GRID2: variants seen among roughly 807,000 people sequenced by gnomAD.
GRID2 encodes the protein glutamate receptor ionotropic, delta-2.
Under a neutral mutation model 114.8 loss-of-function variants are expected in GRID2, and 33 were observed. That is an observed-to-expected ratio of 0.29 (90% CI 0.22 to 0.38). The LOEUF is 0.38. Among genes scored for constraint, GRID2 ranks in the 10% least tolerant of loss-of-function variants. The probability of loss-of-function intolerance (pLI) is 1.00; values close to 1 mark genes in which losing one functional copy is unlikely to be tolerated. For missense variants in GRID2, 1,184 were observed against 1,257.7 expected, an observed-to-expected ratio of 0.94 and a Z score of 0.89; for synonymous variants, 505 against 449.9, an observed-to-expected ratio of 1.12 and a Z score of -1.55.
At chr4:93,074,493 AC>A (rs1729086488) in intron 2 of GRID2, among the ~76,000 whole-genome samples, 1 of 152,306 alleles carries the variant, frequency 6.6e-6, no homozygotes, top group Middle Eastern at 3.4e-3. Context: ...AAGAAGGTAA[AC>A]TAAAGCAGTA....
intron 1 of GRID2, among the ~76,000 whole-genome samples, chr4:92,404,230 T>G (rs1434091453): frequency 1.3e-5 from 2 of 152,140 alleles, no homozygotes; most frequent in African/African-American, 2.4e-5. Flanking sequence ...AAAAAGAAAT[T>G]AAGAGTTAGG....
intron 2 of GRID2, among the ~76,000 whole-genome samples, chr4:92,684,228 T>C (rs986207584): frequency 1.3e-5 from 2 of 151,864 alleles, no homozygotes; most frequent in African/African-American, 4.8e-5. Context: ...ATTTCAGAGG[T>C]GGGTTATGTT....
At chr4:92,514,652 C>A (rs1200200438) in intron 1 of GRID2, among the ~76,000 whole-genome samples, 1 of 151,850 alleles carries the variant, frequency 6.6e-6, no homozygotes, top group Non-Finnish European at 1.5e-5. Flanking sequence ...TGAAGAATTA[C>A]ACTTCTATAG....
chr4:93,781,817 G>T (rs926804317), intron 1 of GRID2, among the ~76,000 whole-genome samples: 4 of 152,102 alleles, frequency 2.6e-5, no homozygotes, highest in African/African-American at 9.7e-5. Context: ...TTTTCAATCT[G>T]AGGTTGGTTG....
intron 2 of GRID2, among the ~76,000 whole-genome samples, chr4:92,976,905 C>A (rs944316281): frequency 1.3e-5 from 2 of 152,074 alleles, no homozygotes; most frequent in African/African-American, 4.8e-5. Context: ...AAAGTAGGAA[C>A]CCATGTTACG....
At chr4:92,483,193 G>A (rs1290318929) in intron 1 of GRID2, among the ~76,000 whole-genome samples, 1 of 152,002 alleles carries the variant, frequency 6.6e-6, no homozygotes, top group Admixed American at 6.6e-5. Flanking sequence ...ACAAAAATTA[G>A]CTGGCTGTAG....
At chr4:93,585,956 A>C (rs988926090) in intron 13 of GRID2, among the ~76,000 whole-genome samples, 1 of 152,040 alleles carries the variant, frequency 6.6e-6, no homozygotes, top group Admixed American at 6.6e-5. Context: ...CGAGCCCTTC[A>C]TTCTCATGTT....
chr4:93,257,798 T>C (rs1749760485), intron 8 of GRID2, among the ~76,000 whole-genome samples: 1 of 151,480 alleles, frequency 6.6e-6, no homozygotes, highest in Non-Finnish European at 1.5e-5. Flanking sequence ...TAATATCTAT[T>C]TATTATTTCC....
intron 8 of GRID2, among the ~76,000 whole-genome samples, chr4:93,384,274 C>A (rs1393085712): frequency 6.6e-6 from 1 of 152,214 alleles, no homozygotes. Context: ...TGGAGCGCAA[C>A]AATATTAGGG....
chr4:92,355,743 A>G (rs1160780220), intron 1 of GRID2, among the ~76,000 whole-genome samples: 2 of 151,846 alleles, frequency 1.3e-5, no homozygotes, highest in Non-Finnish European at 2.9e-5. Context: ...CGTAAAATAG[A>G]GATAAAAACT....
At chr4:92,939,409 G>A (rs1023485859) in intron 2 of GRID2, among the ~76,000 whole-genome samples, 2 of 147,204 alleles carry the variant, frequency 1.4e-5, no homozygotes, top group Non-Finnish European at 3.0e-5. Context: ...TTTTGATGGG[G>A]TTGTTTGTTT....
chr4:92,649,658 C>A (rs1296998098), intron 2 of GRID2, among the ~76,000 whole-genome samples: 1 of 151,954 alleles, frequency 6.6e-6, no homozygotes, highest in African/African-American at 2.4e-5. Flanking sequence ...TTCCTTGAAC[C>A]ATACTTAATA....
chr4:93,490,526 A>G, intron 11 of GRID2, 113 bp from the exon 12 acceptor site: 2 of 689,854 alleles, frequency 2.9e-6, no homozygotes, highest in Non-Finnish European at 5.1e-6. Context: ...GTTGATGTTA[A>G]GCAGAAAAAA....
intron 2 of GRID2, among the ~76,000 whole-genome samples, chr4:92,859,611 A>G (rs1346288896): frequency 1.3e-5 from 2 of 152,200 alleles, no homozygotes; most frequent in Non-Finnish European, 2.9e-5. Flanking sequence ...ATATTTCCAG[A>G]TTCACCTTGT....
intron 2 of GRID2, among the ~76,000 whole-genome samples, chr4:92,633,352 T>C (rs1252604912): frequency 1.3e-5 from 2 of 152,144 alleles, no homozygotes; most frequent in Non-Finnish European, 2.9e-5. Flanking sequence ...AAAATTAGAC[T>C]GCCTCTAAAA....
chr4:93,740,867 A>G (rs551350253), intron 14 of GRID2, among the ~76,000 whole-genome samples: 12 of 138,342 alleles, frequency 8.7e-5, no homozygotes, highest in Admixed American at 3.6e-4. Flanking sequence ...TGGTTCTACT[A>G]TTTTTTTTTT....
chr4:92,661,552 T>G (rs1464687817), intron 2 of GRID2, among the ~76,000 whole-genome samples: 1 of 151,012 alleles, frequency 6.6e-6, no homozygotes, highest in African/African-American at 2.4e-5. Context: ...ATGAAAATTA[T>G]ATAAATATTC....
chr4:93,619,381 T>C (rs1385906972), intron 13 of GRID2, among the ~76,000 whole-genome samples: 2 of 152,190 alleles, frequency 1.3e-5, no homozygotes, highest in African/African-American at 2.4e-5. Context: ...TTAGGACTTA[T>C]GTGGGCAATG....
At chr4:92,482,416 C>T (rs542678609) in intron 1 of GRID2, among the ~76,000 whole-genome samples, 1 of 151,986 alleles carries the variant, frequency 6.6e-6, no homozygotes, top group African/African-American at 2.4e-5. Context: ...ATGTAACAAA[C>T]CTTCACCTGT....
Sources: gnomAD v4.1 joint callset for allele counts (sites outside exome capture counted in the v4.1 genomes callset) on GRCh38, gnomAD v4.1.1 for gene constraint, MANE v1.5 for transcripts, NCBI Gene and HGNC (gene_info 2026-07-23, HGNC 2026-07-21) for gene names.